The following CTNNA2 variants were observed in gnomAD, a reference collection of about 807,000 sequenced individuals.
CTNNA2 encodes catenin alpha 2, also known as catenin alpha-2.
A neutral mutation model predicts 101.0 loss-of-function variants in CTNNA2; 42 were observed. The ratio of observed to expected loss-of-function variants is 0.42; its 90% CI spans 0.32 to 0.54. The LOEUF (loss-of-function observed/expected upper bound fraction) is 0.54. Among genes scored for constraint, CTNNA2 ranks in the 20% least tolerant of loss-of-function variants. The pLI is 0.14. For synonymous variants in CTNNA2, 450 were observed against 456.4 expected (o/e 0.99, Z 0.18); for missense variants, 871 against 1,223.1 (o/e 0.71, Z 4.29).
intron 7 of CTNNA2, among the ~76,000 whole-genome samples, chr2:80,098,324 A>G (rs1700300602): frequency 6.6e-6 from 1 of 152,144 alleles, no homozygotes; most frequent in Non-Finnish European, 1.5e-5. Flanking sequence ...AACAGCGGAT[A>G]TTGGTGAACC....
chr2:79,194,290 G>A (rs373930932), intron 1 of CTNNA2, among the ~76,000 whole-genome samples: 3 of 152,316 alleles, frequency 2.0e-5, no homozygotes, highest in East Asian at 3.9e-4. Context: ...TGAGTATACA[G>A]CAGGGTCTTT....
At chr2:80,424,268 A>G (rs1680801178) in intron 9 of CTNNA2, among the ~76,000 whole-genome samples, 1 of 152,186 alleles carries the variant, frequency 6.6e-6, no homozygotes, top group African/African-American at 2.4e-5. Flanking sequence ...AAACATTCAA[A>G]ATAGACTAGC....
At chr2:79,820,122 A>C (rs1379422333) in intron 3 of CTNNA2, among the ~76,000 whole-genome samples, 1 of 152,174 alleles carries the variant, frequency 6.6e-6, no homozygotes, top group African/African-American at 2.4e-5. Flanking sequence ...ATGATGCCAC[A>C]TATCAAAAAA....
chr2:80,023,561 G>A (rs13395115), intron 7 of CTNNA2, among the ~76,000 whole-genome samples: 8,245 of 152,184 alleles, frequency 0.054, 642 homozygotes, highest in African/African-American at 0.17. Flanking sequence ...TCCAAAGTAC[G>A]TAGGACTTTG....
Position 80,413,021 on chromosome 2 carries a change from A to T in CTNNA2, c.1138-6428A>T, listed in dbSNP as rs1325896316. Among the ~76,000 whole-genome samples the T allele has an allele frequency of 2.6e-5, 4 of 152,242 alleles. No individual in the cohort carries two copies. The East Asian group carries it at 7.7e-4, about 29-fold the overall frequency. On this transcript the variant is annotated intron_variant, in intron 8 of 18. Transcript: ENST00000402739. The stretch of plus-strand genomic sequence containing the variant: ...AGAGTTACATGGCAATGGTATGGAT[A>T]GAAGGAGATAGAAGAATAAGGTTAT...
At chr2:79,807,009 A>G (rs1676630570) in intron 3 of CTNNA2, among the ~76,000 whole-genome samples, 1 of 151,550 alleles carries the variant, frequency 6.6e-6, no homozygotes, top group Admixed American at 6.6e-5. Context: ...TTTATTCCCA[A>G]ATGGACTCAG....
chr2:80,119,118 A>G (rs552842581), intron 7 of CTNNA2, among the ~76,000 whole-genome samples: 16 of 152,290 alleles, frequency 1.1e-4, no homozygotes, highest in Middle Eastern at 3.4e-3. Flanking sequence ...AAAGACCCTG[A>G]CTTTTTCTAA....
chr2:80,141,548 C>T (rs1225657088), intron 7 of CTNNA2, among the ~76,000 whole-genome samples: 14 of 152,036 alleles, frequency 9.2e-5, no homozygotes. Flanking sequence ...CCTCATCTTA[C>T]AGAAAGAGCA....
chr2:79,775,064 T>C (rs553932276), intron 3 of CTNNA2, among the ~76,000 whole-genome samples: 2 of 152,154 alleles, frequency 1.3e-5, no homozygotes, highest in Non-Finnish European at 2.9e-5. Context: ...GGGGCGATAT[T>C]CATAAGAAAG....
intron 7 of CTNNA2, among the ~76,000 whole-genome samples, chr2:80,189,115 G>C (rs1467043643): frequency 6.6e-6 from 1 of 151,906 alleles, no homozygotes; most frequent in Non-Finnish European, 1.5e-5. Flanking sequence ...ACCTCACCTG[G>C]CTAATTTTTT....
chr2:79,851,350 A>G (rs943851380), intron 3 of CTNNA2, among the ~76,000 whole-genome samples: 1 of 152,218 alleles, frequency 6.6e-6, no homozygotes, highest in Admixed American at 6.5e-5. Context: ...AAAATGATAA[A>G]ATGTTCTGAA....
chr2:80,610,930 A>G (rs926197400), intron 17 of CTNNA2, among the ~76,000 whole-genome samples: 1 of 151,620 alleles, frequency 6.6e-6, no homozygotes, highest in Admixed American at 6.6e-5. Flanking sequence ...AAAGCAGTCC[A>G]GGATGTGTTT....
intron 7 of CTNNA2, among the ~76,000 whole-genome samples, chr2:80,222,079 A>G (rs868085537): frequency 1.3e-5 from 2 of 152,174 alleles, no homozygotes; most frequent in Non-Finnish European, 2.9e-5. Context: ...GCAAACCAAC[A>G]CATCCCCTTT....
intron 7 of CTNNA2, among the ~76,000 whole-genome samples, chr2:80,300,280 GGGTGTGTGT>G (rs1676144363): frequency 2.4e-5 from 1 of 42,394 alleles, no homozygotes; most frequent in African/African-American, 1.4e-4. Flanking sequence ...TGGGGTGTTG[GGGTGTGTGT>G]GTGTGTGTGT....
chr2:80,353,135 C>T (rs1239578404), intron 7 of CTNNA2, among the ~76,000 whole-genome samples: 2 of 152,002 alleles, frequency 1.3e-5, no homozygotes, highest in African/African-American at 2.4e-5. Flanking sequence ...ATGGCCAGAG[C>T]GATCTTGCTC....
At chr2:79,732,792 T>C (rs1347531713) in intron 2 of CTNNA2, among the ~76,000 whole-genome samples, 1 of 152,126 alleles carries the variant, frequency 6.6e-6, no homozygotes, top group South Asian at 2.1e-4. Context: ...GATCCATAGG[T>C]CACTCTCCTC....
chr2:79,852,911 G>A (rs10199901), intron 3 of CTNNA2, among the ~76,000 whole-genome samples: 80,184 of 151,454 alleles, frequency 0.53, 21,275 homozygotes, highest in South Asian at 0.62. Context: ...CTCGTTTCCC[G>A]GGCTGGATGC....
intron 2 of CTNNA2, among the ~76,000 whole-genome samples, chr2:79,276,141 A>C (rs1279957304): frequency 6.6e-6 from 1 of 152,142 alleles, no homozygotes; most frequent in Non-Finnish European, 1.5e-5. Context: ...CAAAGAAAGA[A>C]GGTCACAGAA....
intron 2 of CTNNA2, among the ~76,000 whole-genome samples, chr2:79,719,585 C>G (rs1429063973): frequency 1.3e-5 from 2 of 152,058 alleles, no homozygotes; most frequent in Non-Finnish European, 2.9e-5. Flanking sequence ...TTAATAATAG[C>G]CATTCTGACT....
Sources: gnomAD v4.1 joint callset for allele counts (sites outside exome capture counted in the v4.1 genomes callset) on GRCh38, gnomAD v4.1.1 for gene constraint, MANE v1.5 for transcripts, NCBI Gene and HGNC (gene_info 2026-07-23, HGNC 2026-07-21) for gene names.